The following ANGPT1 variants were observed in gnomAD, a reference collection of about 807,000 sequenced individuals.
ANGPT1 encodes the protein angiopoietin-1.
Under a neutral mutation model 62.2 loss-of-function variants are expected in ANGPT1, and 17 were observed. The ratio of observed to expected loss-of-function variants is 0.27; its 90% CI spans 0.19 to 0.41. ANGPT1 has a LOEUF of 0.41. Ranked by LOEUF, ANGPT1 falls within the 10% of genes least tolerant of loss-of-function variation. The pLI is 1.00. For synonymous variants in ANGPT1, 199 were observed against 198.9 expected (o/e 1.00, Z 0.00); for missense variants, 478 against 594.9 (o/e 0.80, Z 2.04).
At chr8:107,420,966 C>T (rs1810881541) in intron 1 of ANGPT1, among the ~76,000 whole-genome samples, 1 of 151,988 alleles carries the variant, frequency 6.6e-6, no homozygotes, top group Non-Finnish European at 1.5e-5. Flanking sequence ...TTAATTAATA[C>T]ATAAATTGAA....
At chr8:107,308,174 T>C (rs556080376) in intron 4 of ANGPT1, among the ~76,000 whole-genome samples, 7 of 152,284 alleles carry the variant, frequency 4.6e-5, no homozygotes, top group Admixed American at 3.9e-4. Flanking sequence ...CAAGCCTGCC[T>C]GTCATGTGAT....
At chr8:107,452,913 A>G (rs1811817087) in intron 1 of ANGPT1, among the ~76,000 whole-genome samples, 1 of 152,122 alleles carries the variant, frequency 6.6e-6, no homozygotes. Context: ...AACACACACT[A>G]GACATTCTGA....
intron 1 of ANGPT1, among the ~76,000 whole-genome samples, chr8:107,486,190 T>A (rs1221459467): frequency 6.6e-6 from 1 of 152,132 alleles, no homozygotes; most frequent in Non-Finnish European, 1.5e-5. Context: ...ACAGAAAAAT[T>A]TTTTAGAAAT....
intron 6 of ANGPT1, among the ~76,000 whole-genome samples, chr8:107,292,656 A>G (rs1586194159): frequency 6.6e-6 from 1 of 152,198 alleles, no homozygotes; most frequent in Non-Finnish European, 1.5e-5. Flanking sequence ...TGTAAGTCCA[A>G]ACTTTTTAAA....
intron 1 of ANGPT1, among the ~76,000 whole-genome samples, chr8:107,351,348 C>T (rs1458494765): frequency 6.6e-6 from 1 of 151,994 alleles, no homozygotes; most frequent in East Asian, 1.9e-4. Flanking sequence ...GAACTGATTC[C>T]ATTTTATAGT....
intron 7 of ANGPT1, among the ~76,000 whole-genome samples, chr8:107,265,464 C>T (rs1376729327): frequency 1.3e-5 from 2 of 152,172 alleles, no homozygotes; most frequent in Admixed American, 6.5e-5. Flanking sequence ...AACTTGCTCA[C>T]GTCCTTCAGT....
chr8:107,384,808 G>A (rs1816702639), intron 1 of ANGPT1, among the ~76,000 whole-genome samples: 1 of 152,064 alleles, frequency 6.6e-6, no homozygotes, highest in Admixed American at 6.6e-5. Context: ...AAGGTGAAAG[G>A]TGGGGGTCTA....
chr8:107,348,348 A>G (rs1004373981), intron 1 of ANGPT1, among the ~76,000 whole-genome samples: 4 of 152,220 alleles, frequency 2.6e-5, no homozygotes, highest in Non-Finnish European at 5.9e-5. Context: ...TCCCCTTTGT[A>G]AAGCTTTGGC....
intron 1 of ANGPT1, among the ~76,000 whole-genome samples, chr8:107,366,511 T>C (rs1230015673): frequency 6.6e-6 from 1 of 152,230 alleles, no homozygotes; most frequent in Non-Finnish European, 1.5e-5. Context: ...ATTGTATATA[T>C]GTACAATAAA....
intron 1 of ANGPT1, among the ~76,000 whole-genome samples, chr8:107,440,677 G>T (rs1811452516): frequency 6.6e-6 from 1 of 152,226 alleles, no homozygotes; most frequent in South Asian, 2.1e-4. Flanking sequence ...AAAACCAAAG[G>T]TCTTCTACAA....
At chr8:107,471,194 A>G (rs1812347967) in intron 1 of ANGPT1, among the ~76,000 whole-genome samples, 3 of 152,168 alleles carry the variant, frequency 2.0e-5, no homozygotes, top group African/African-American at 7.2e-5. Context: ...GCACATATAC[A>G]CCATGGAATA....
chr8:107,382,283 C>T (rs1175164780), intron 1 of ANGPT1, among the ~76,000 whole-genome samples: 2 of 152,118 alleles, frequency 1.3e-5, no homozygotes, highest in African/African-American at 4.8e-5. Context: ...TTCCCTATTA[C>T]ATTTTTATTC....
chr8:107,312,761 G>C (rs1814906032), intron 4 of ANGPT1, among the ~76,000 whole-genome samples: 1 of 152,052 alleles, frequency 6.6e-6, no homozygotes, highest in African/African-American at 2.4e-5. Context: ...AGGATACCAG[G>C]CAAACTCTAA....
At chr8:107,479,133 C>G (rs1050753865) in intron 1 of ANGPT1, among the ~76,000 whole-genome samples, 1 of 142,800 alleles carries the variant, frequency 7.0e-6, no homozygotes, top group African/African-American at 2.4e-5. Flanking sequence ...TAATGTTTAT[C>G]TTCCAGATTT....
At chr8:107,300,395 T>C (rs1269853926) in intron 5 of ANGPT1, among the ~76,000 whole-genome samples, 1 of 151,620 alleles carries the variant, frequency 6.6e-6, no homozygotes, top group Non-Finnish European at 1.5e-5. Context: ...ATCTTTATTA[T>C]AGAACAATGT....
At chr8:107,392,628 A>G (rs561256044) in intron 1 of ANGPT1, among the ~76,000 whole-genome samples, 1 of 152,296 alleles carries the variant, frequency 6.6e-6, no homozygotes, top group East Asian at 1.9e-4. Flanking sequence ...CCATGCAAAT[A>G]TATCTATATT....
intron 7 of ANGPT1, among the ~76,000 whole-genome samples, chr8:107,266,120 G>A (rs913496629): frequency 1.3e-5 from 2 of 152,184 alleles, no homozygotes; most frequent in Admixed American, 6.6e-5. Flanking sequence ...CAAGTAACTG[G>A]TGATGCAAAA....
At chr8:107,492,476 C>A (rs1033354398) in intron 1 of ANGPT1, among the ~76,000 whole-genome samples, 1 of 152,166 alleles carries the variant, frequency 6.6e-6, no homozygotes, top group African/African-American at 2.4e-5. Context: ...GCTGGGATTA[C>A]AGGCACACAC....
intron 1 of ANGPT1, among the ~76,000 whole-genome samples, chr8:107,396,001 G>A (rs981939660): frequency 6.6e-6 from 1 of 152,164 alleles, no homozygotes; most frequent in South Asian, 2.1e-4. Context: ...TAGGAAAAGT[G>A]ATTACTGGGA....
Sources: gnomAD v4.1 joint callset for allele counts (sites outside exome capture counted in the v4.1 genomes callset) on GRCh38, gnomAD v4.1.1 for gene constraint, MANE v1.5 for transcripts, NCBI Gene and HGNC (gene_info 2026-07-23, HGNC 2026-07-21) for gene names.